Variants in FYB2 observed in about 807,000 individuals in gnomAD.
The protein encoded by FYB2 is FYN binding protein 2, also known as FYN-binding protein 2.
A neutral mutation model predicts 94.1 loss-of-function variants in FYB2; 103 were observed. The ratio of observed to expected loss-of-function variants is 1.09; its 90% confidence interval spans 0.93 to 1.29. The LOEUF (loss-of-function observed/expected upper bound fraction) is 1.29. FYB2 is among the 50% of genes most tolerant of loss of function. The pLI is 0.00. For synonymous variants in FYB2, 293 were observed against 287.9 expected, an observed-to-expected ratio of 1.02 and a Z score of -0.18; for missense variants, 896 against 841.5, an observed-to-expected ratio of 1.06 and a Z score of -0.80.
intron 1 of FYB2, among the ~76,000 whole-genome samples, chr1:56,807,461 G>A (rs1029577303): frequency 2.0e-5 from 3 of 152,178 alleles, no homozygotes; most frequent in East Asian, 3.8e-4. Context: ...AGATAAAGGA[G>A]CCCCTGTCTG....
At position 56,792,722 on chromosome 1, in the gene FYB2, G is replaced by A. The variant is rs371573259; in HGVS notation, c.91C>T (p.Pro31Ser). 8.7e-6 allele frequency: 14 copies of A among 1,613,892 alleles called. No individual in the cohort carries two copies. Among genetic ancestry groups the A allele is most frequent in the Non-Finnish European group, 1.2e-5 (14 of 1,180,000 alleles). ...APPLPGPIKF[P>S]AGVSPKGDIG... is the part of the protein sequence containing the mutation. ...TCACCCTTTGGAGAAACACCTGCTG[G>A]GAATTTAATAGGTCCTGGAAGAGGT... Residue 31 changes from proline (P) to serine (S), a missense_variant, in exon 2 of 20, where the codon CCA becomes TCA. Transcript: ENST00000343433.
In FYB2 at chr1:56,724,446, ATT is replaced by A. The variant is rs142796505; in HGVS notation, c.1881-767_1881-766del. Among the ~76,000 whole-genome samples the A allele has an allele frequency of 4.5e-4, 68 of 152,126 alleles. No homozygotes were observed. The East Asian group carries it at 0.012, about 26-fold the overall frequency. On this transcript the variant is annotated intron_variant, in intron 16 of 19. Transcript: ENST00000343433. ...AAGTCAACCAAGTCCTGTTAGTCTT[ATT>A]CCTAAGTGTCCCCTACATTTGTTTA...
At chr1:56,735,096 T>C (rs184889349) in intron 15 of FYB2, among the ~76,000 whole-genome samples, 1 of 152,250 alleles carries the variant, frequency 6.6e-6, no homozygotes, top group Non-Finnish European at 1.5e-5. Context: ...ATTCAGCAGT[T>C]CCATTGCTGG....
chr1:56,816,080 A>C (rs1891414), intron 1 of FYB2, among the ~76,000 whole-genome samples: 152,293 of 152,326 alleles, frequency 1, 76,130 homozygotes, highest in Non-Finnish European at 1. Flanking sequence ...AAGGATATAT[A>C]TAATTGTCCT....
intron 1 of FYB2, among the ~76,000 whole-genome samples, chr1:56,804,075 T>G (rs1646582485): frequency 6.6e-6 from 1 of 152,226 alleles, no homozygotes; most frequent in Non-Finnish European, 1.5e-5. Flanking sequence ...GCTCAGCACC[T>G]GGTCCAAGGA....
intron 15 of FYB2, among the ~76,000 whole-genome samples, chr1:56,735,873 TA>T (rs1644820073): frequency 6.6e-6 from 1 of 152,074 alleles, no homozygotes; most frequent in Admixed American, 6.6e-5. Context: ...TATAGCAGTG[TA>T]AAAATGGGCT....
chr1:56,748,766 G>A lies in FYB2; in HGVS notation c.1387+2278C>T, dbSNP rs538841009. Among the ~76,000 whole-genome samples, 212 of 151,912 alleles carry A rather than the reference G, an allele frequency of 1.4e-3. 2 individuals carry two copies. The highest frequency in any genetic ancestry group is 4.4e-3 in the African/African-American group (181 of 41,472). ...TATTTTGCTCCTTCCTCAATTTGACGTTATTTTGTTGAATTAATGCTTTTG... is the reference window on the plus strand; with the variant it reads ...TATTTTGCTCCTTCCTCAATTTGACATTATTTTGTTGAATTAATGCTTTTG... On this transcript the variant is annotated intron_variant, in intron 9 of 19. Coordinates refer to ENST00000343433, the MANE Select transcript of FYB2 (RefSeq NM_001004303.5).
chr1:56,759,348 G>A (rs1051351652), intron 5 of FYB2, among the ~76,000 whole-genome samples: 3 of 152,106 alleles, frequency 2.0e-5, no homozygotes, highest in Non-Finnish European at 2.9e-5. Flanking sequence ...TCATCATCAC[G>A]TGAATACCAT....
chr1:56,768,196 A>C (rs760519529), intron 4 of FYB2, among the ~76,000 whole-genome samples: 2 of 152,214 alleles, frequency 1.3e-5, no homozygotes, highest in Admixed American at 1.3e-4. Context: ...AGACATACAG[A>C]GGAAATTCAC....
At chr1:56,777,481 A>T (rs1645907695) in intron 4 of FYB2, among the ~76,000 whole-genome samples, 1 of 152,186 alleles carries the variant, frequency 6.6e-6, no homozygotes. Flanking sequence ...ATATTAGACC[A>T]TCTCTCTGCT....
chr1:56,743,920 G>T, intron 11 of FYB2, 106 bp downstream of exon 11: 1 of 1,205,272 alleles, frequency 8.3e-7, no homozygotes, highest in Non-Finnish European at 1.2e-6. Flanking sequence ...CCCACAAATT[G>T]GCATTATTAA....
chr1:56,802,712 T>C (rs1209052459), intron 1 of FYB2, among the ~76,000 whole-genome samples: 1 of 152,212 alleles, frequency 6.6e-6, no homozygotes, highest in Non-Finnish European at 1.5e-5. Context: ...TCAATTGCCT[T>C]TTCAAGGCAA....
chr1:56,767,647 C>A (rs748758357), intron 5 of FYB2, among the ~76,000 whole-genome samples, 182 bp downstream of exon 5: 2 of 151,548 alleles, frequency 1.3e-5, no homozygotes, highest in Non-Finnish European at 2.9e-5. Flanking sequence ...CACTGATGCC[C>A]AGCTGGATTT....
At chr1:56,739,623 T>A (rs922580807) in intron 13 of FYB2, among the ~76,000 whole-genome samples, 6 of 152,116 alleles carry the variant, frequency 3.9e-5, no homozygotes, top group African/African-American at 1.4e-4. Context: ...CTTACAATGG[T>A]TTGACTCCCA....
intron 1 of FYB2, among the ~76,000 whole-genome samples, chr1:56,797,527 A>T (rs1055638161): frequency 6.6e-6 from 1 of 152,044 alleles, no homozygotes; most frequent in Admixed American, 6.5e-5. Flanking sequence ...GCACTCTTTT[A>T]TCTGGAATTT....
At position 56,792,132 on chromosome 1, in the gene FYB2, G is replaced by T; in HGVS notation, c.681C>A (p.Asn227Lys). Residue 227 changes from asparagine to lysine, a missense_variant, in exon 2 of 20, where the codon AAC becomes AAA. Asn to Lys is a moderately conservative substitution (Grantham distance 94). Transcript: ENST00000343433. ...TTGCCGGGCTCCTCTCAGGAGGTGGGTTTTCCCAGCTTTTTCTGATATGTT... is the reference window on the plus strand; with the variant it reads ...TTGCCGGGCTCCTCTCAGGAGGTGGTTTTTCCCAGCTTTTTCTGATATGTT... Reference protein sequence around the residue: ...ISQHIRKSWENPPPERSPASS... With the variant: ...ISQHIRKSWEKPPPERSPASS... The T allele has an allele frequency of 2.5e-6, 4 of 1,613,824 alleles. No homozygotes were observed. Among genetic ancestry groups the T allele is most frequent in the Non-Finnish European group, 1.7e-6 (2 of 1,179,922 alleles).
intron 4 of FYB2, among the ~76,000 whole-genome samples, chr1:56,778,365 C>A (rs1407750619): frequency 6.6e-6 from 1 of 152,198 alleles, no homozygotes; most frequent in Non-Finnish European, 1.5e-5. Flanking sequence ...CTCTCTCTTG[C>A]TCTGGGATCT....
In FYB2 at chr1:56,787,190, G is replaced by C; in HGVS notation, c.938C>G (p.Ser313Cys). ...ATGTACTTACCTCTCTGGAGACAGG[G>C]AGCCCTCTTCCACAGTCACTGCAAG... The part of the protein sequence containing the change: ...TQGEVTVEEG[S>C]LSPERLFNAE... The change falls in exon 4 of 20, where the codon TCC (serine) becomes TGC (cysteine). Residue 313 changes from serine (S) to cysteine (C), a missense_variant. By Grantham distance (112) the Ser-to-Cys change is moderately radical. Coordinates refer to ENST00000343433, the MANE Select transcript of FYB2 (RefSeq NM_001004303.5). 6.2e-7 allele frequency: 1 copy of C among 1,613,922 alleles called. No individual in the cohort carries two copies. The highest frequency in any genetic ancestry group is 1.7e-5 in the Admixed American group (1 of 60,022).
chr1:56,749,413 A>G (rs1490985626), intron 9 of FYB2, among the ~76,000 whole-genome samples: 1 of 151,862 alleles, frequency 6.6e-6, no homozygotes, highest in Non-Finnish European at 1.5e-5. Flanking sequence ...CTATAGAATG[A>G]ATTTTGGATA....
Sources: allele counts gnomAD v4.1 joint callset (sites outside exome capture counted in the v4.1 genomes callset), GRCh38; gene constraint gnomAD v4.1.1; transcripts MANE v1.5; gene names NCBI Gene and HGNC (gene_info 2026-07-23, HGNC 2026-07-21).